DAB1: variants seen among roughly 807,000 people sequenced by gnomAD.
DAB1 encodes disabled homolog 1.
DAB1 carries 15 observed loss-of-function variants against 64.6 expected under a neutral mutation model. The ratio of observed to expected loss-of-function variants is 0.23; its 90% confidence interval spans 0.16 to 0.36. DAB1 has a LOEUF of 0.36. DAB1 is among the 10% of genes least tolerant of loss of function. DAB1 has a pLI of 1.00. For synonymous variants in DAB1, 235 were observed against 251.9 expected, an observed-to-expected ratio of 0.93 and a Z score of 0.64; for missense variants, 596 against 706.7, an observed-to-expected ratio of 0.84 and a Z score of 1.78.
chr1:57,101,277 C>G (rs1280772991), intron 4 of DAB1, among the ~76,000 whole-genome samples: 1 of 152,188 alleles, frequency 6.6e-6, no homozygotes, highest in Non-Finnish European at 1.5e-5. Flanking sequence ...TAACAACTGT[C>G]CTCTTTTAGT....
chr1:57,554,417 G>C (rs1337644067), intron 7 of DAB1, among the ~76,000 whole-genome samples: 1 of 152,212 alleles, frequency 6.6e-6, no homozygotes, highest in African/African-American at 2.4e-5. Context: ...GTGAAAGCAG[G>C]TATGCAAAGC....
intron 3 of DAB1, among the ~76,000 whole-genome samples, chr1:58,351,531 G>A (rs2100515625): frequency 6.6e-6 from 1 of 152,132 alleles, no homozygotes; most frequent in Admixed American, 6.6e-5. Flanking sequence ...ACATTGAATT[G>A]TGTTTGAACC....
At chr1:57,161,603 A>T (rs61767494) in intron 2 of DAB1, among the ~76,000 whole-genome samples, 1 of 152,202 alleles carries the variant, frequency 6.6e-6, no homozygotes, top group Non-Finnish European at 1.5e-5. Context: ...CTTTTTTCCA[A>T]ATAAAAAATA....
chr1:58,418,078 T>C (rs1644738618), intron 3 of DAB1, among the ~76,000 whole-genome samples: 1 of 152,122 alleles, frequency 6.6e-6, no homozygotes, highest in Admixed American at 6.5e-5. Context: ...CCCAATACCC[T>C]GCCCCACCAA....
intron 2 of DAB1, among the ~76,000 whole-genome samples, chr1:57,200,647 T>C (rs1665015495): frequency 6.6e-6 from 1 of 152,170 alleles, no homozygotes; most frequent in African/African-American, 2.4e-5. Flanking sequence ...TGCCTGGAAC[T>C]TAATAATAAG....
intron 5 of DAB1, among the ~76,000 whole-genome samples, chr1:57,930,442 T>C (rs772758982): frequency 6.6e-6 from 1 of 152,240 alleles, no homozygotes; most frequent in Non-Finnish European, 1.5e-5. Flanking sequence ...TGATTGGGAT[T>C]GCACTGAATC....
chr1:57,334,469 C>T (rs1477455960), intron 1 of DAB1, among the ~76,000 whole-genome samples: 1 of 152,200 alleles, frequency 6.6e-6, no homozygotes, highest in African/African-American at 2.4e-5. Flanking sequence ...TAACGTCTTA[C>T]AGGCAGTGAG....
chr1:57,281,965 T>C (rs1038837066), intron 2 of DAB1, among the ~76,000 whole-genome samples: 1 of 151,940 alleles, frequency 6.6e-6, no homozygotes, highest in African/African-American at 2.4e-5. Context: ...GCCGATTAGC[T>C]GAGGTCAGAA....
chr1:58,185,787 T>G (rs1657040253), intron 4 of DAB1, among the ~76,000 whole-genome samples: 1 of 152,118 alleles, frequency 6.6e-6, no homozygotes, highest in Non-Finnish European at 1.5e-5. Flanking sequence ...ATGAAGCTCT[T>G]AAATCTAAAA....
intron 1 of DAB1, among the ~76,000 whole-genome samples, chr1:57,859,028 AG>A (rs1456366395): frequency 6.6e-6 from 1 of 152,008 alleles, no homozygotes; most frequent in African/African-American, 2.4e-5. Flanking sequence ...GCACTTCTGC[AG>A]GGGGTTGTCG....
chr1:58,143,850 T>C (rs949721320), intron 5 of DAB1, among the ~76,000 whole-genome samples: 1 of 152,232 alleles, frequency 6.6e-6, no homozygotes, highest in African/African-American at 2.4e-5. Flanking sequence ...TACTATGTTT[T>C]TCTCGCCCTG....
intron 2 of DAB1, among the ~76,000 whole-genome samples, chr1:57,175,907 A>AT (rs935600914): frequency 6.6e-5 from 10 of 152,042 alleles, no homozygotes; most frequent in South Asian, 2.1e-4. Flanking sequence ...TTCCCGTTTG[A>AT]TTTTTTCTCT....
intron 5 of DAB1, 48 bp downstream of exon 5, chr1:57,072,235 C>T: frequency 1.2e-6 from 2 of 1,606,226 alleles, no homozygotes; most frequent in Non-Finnish European, 1.7e-6. Flanking sequence ...CTGGACTGTC[C>T]CCCCAGAGTT....
At chr1:58,494,405 A>T (rs1451935027) in intron 3 of DAB1, among the ~76,000 whole-genome samples, 2 of 152,176 alleles carry the variant, frequency 1.3e-5, no homozygotes, top group African/African-American at 4.8e-5. Flanking sequence ...AACAAAAGCC[A>T]AAATTGATAA....
At chr1:57,444,286 T>A (rs1322921007) in intron 7 of DAB1, among the ~76,000 whole-genome samples, 1 of 152,200 alleles carries the variant, frequency 6.6e-6, no homozygotes, top group Non-Finnish European at 1.5e-5. Context: ...AAATATTCTG[T>A]CATTTCCCTT....
intron 5 of DAB1, among the ~76,000 whole-genome samples, chr1:58,035,308 G>A (rs1383335400): frequency 1.3e-5 from 2 of 152,186 alleles, no homozygotes; most frequent in East Asian, 1.9e-4. Flanking sequence ...ATGCCCAACG[G>A]GCCCTCCCTT....
intron 1 of DAB1, among the ~76,000 whole-genome samples, chr1:57,386,390 C>T (rs1322756805): frequency 3.9e-5 from 5 of 127,108 alleles, no homozygotes; most frequent in South Asian, 5.0e-4. Flanking sequence ...AAAAAAAACC[C>T]GTCTTTTTCA....
chr1:58,453,045 C>T (rs1040256245), intron 3 of DAB1, among the ~76,000 whole-genome samples: 2 of 152,150 alleles, frequency 1.3e-5, no homozygotes, highest in African/African-American at 4.8e-5. Context: ...TTTATCCATA[C>T]GATGGGATAC....
rs1263156072 is a variant in DAB1, at chr1:56,996,344, C to T, written c.*1800G>A. On this transcript the variant is annotated 3_prime_UTR_variant, in exon 15 of 15. Coordinates refer to ENST00000371236, the MANE Select transcript of DAB1 (RefSeq NM_001365792.1). Reference sequence around the variant, plus strand: ...TTTCTTCTTAGTGTTAAAACACTTTCAACATACTGTAACTGCATAGGAACA... The same window carrying T: ...TTTCTTCTTAGTGTTAAAACACTTTTAACATACTGTAACTGCATAGGAACA... 1.3e-5 allele frequency: 2 copies of T among 152,158 alleles called. No individual in the cohort carries two copies. Among genetic ancestry groups the T allele is most frequent in the East Asian group, 3.8e-4 (2 of 5,200 alleles). The allele number at this position is 152,158 out of a possible 1,614,324, so 9.4% of individuals were successfully genotyped here.
Sources: gnomAD v4.1 joint callset for allele counts (sites outside exome capture counted in the v4.1 genomes callset) on GRCh38, gnomAD v4.1.1 for gene constraint, MANE v1.5 for transcripts, NCBI Gene and HGNC (gene_info 2026-07-23, HGNC 2026-07-21) for gene names.